Variants in MYO5A observed in about 807,000 individuals in gnomAD.
The protein encoded by MYO5A is unconventional myosin-Va.
A neutral mutation model predicts 249.7 loss-of-function variants in MYO5A; 98 were observed. The observed-to-expected ratio is 0.39, with a 90% CI of 0.33 to 0.46. The LOEUF (loss-of-function observed/expected upper bound fraction) is 0.46, where lower values mean the gene tolerates loss of function less well. Ranked by LOEUF, MYO5A falls within the 20% of genes least tolerant of loss-of-function variation. The pLI is 0.98. For missense variants in MYO5A, 1,696 were observed against 2,308.8 expected, an observed-to-expected ratio of 0.73 and a Z score of 5.44; for synonymous variants, 778 against 810.6, an observed-to-expected ratio of 0.96 and a Z score of 0.68.
chr15:52,317,206 G>C lies in MYO5A; in HGVS notation c.5251C>G (p.Leu1751Val). 3 of 1,613,824 alleles carry C rather than the reference G, an allele frequency of 1.9e-6. No homozygotes were observed. The highest frequency in any genetic ancestry group is 2.5e-6 in the Non-Finnish European group (3 of 1,179,998). The change falls in exon 40 of 42, where the codon CTG becomes GTG. Residue 1751 changes from leucine to valine, a missense_variant. Physicochemically the swap from Leu to Val is conservative, Grantham distance 32. Transcript: ENST00000399233. ...GMQIRYNVSQ[L>V]EEWLRDKNLM... ...TTCTTGTCACGCAGCCATTCTTCCA[G>C]TTGACTGACATTGTACCTATGAAAA...
At chr15:52,486,495 G>A (rs1214907144) in intron 1 of MYO5A, among the ~76,000 whole-genome samples, 1 of 152,160 alleles carries the variant, frequency 6.6e-6, no homozygotes, top group Non-Finnish European at 1.5e-5. Context: ...CAGAGAGGCT[G>A]TGTTTTTAAA....
In MYO5A at chr15:52,330,474, T is replaced by G; in HGVS notation, c.4434A>C (p.Pro1478=). 6.2e-7 allele frequency: 1 copy of G among 1,614,092 alleles called. No homozygotes were observed. The highest frequency in any genetic ancestry group is 8.5e-7 in the Non-Finnish European group (1 of 1,179,990). Residue 1478 remains proline, a synonymous_variant, in exon 35 of 42, where the codon CCA becomes CCC. Coordinates refer to ENST00000399233, the MANE Select transcript of MYO5A (RefSeq NM_001382347.1). ...GGATGGGTTCATCAATGATCTGTCC[T>G]GGGGATATGTTCTCCATCTGGCCCA... ...LEVGQMENIS[P]GQIIDEPIRP...
chr15:52,455,479 T>C (rs1391767457), intron 1 of MYO5A, among the ~76,000 whole-genome samples: 3 of 151,954 alleles, frequency 2.0e-5, no homozygotes, highest in Admixed American at 2.0e-4. Flanking sequence ...CTTTACCTGA[T>C]ACCAAAATCA....
chr15:52,438,875 T>A (rs1255540059), intron 1 of MYO5A, among the ~76,000 whole-genome samples: 1 of 152,214 alleles, frequency 6.6e-6, no homozygotes. Context: ...CCACTGCTGT[T>A]TGCCACTGTT....
At chr15:52,511,273 AT>A (rs1203701916) in intron 1 of MYO5A, among the ~76,000 whole-genome samples, 1 of 152,262 alleles carries the variant, frequency 6.6e-6, no homozygotes, top group Non-Finnish European at 1.5e-5. Context: ...TATGAGAAAC[AT>A]TTAATTACGG....
intron 24 of MYO5A, among the ~76,000 whole-genome samples, chr15:52,362,988 C>T (rs1269418114): frequency 6.6e-6 from 1 of 152,208 alleles, no homozygotes; most frequent in East Asian, 1.9e-4. Flanking sequence ...ATTTGTTTAT[C>T]TCTGTTTAAC....
intron 1 of MYO5A, among the ~76,000 whole-genome samples, chr15:52,474,595 T>G (rs1436345180): frequency 3.3e-5 from 5 of 152,170 alleles, no homozygotes; most frequent in Non-Finnish European, 5.9e-5. Flanking sequence ...GTTTTTAGCA[T>G]GAAGGGCTGT....
rs7182150 is a variant in MYO5A, at chr15:52,346,232, T to A, written c.3959+129A>T. ...CTAGAAATACACTGGAAACCTTGGA[T>A]TCCCTTTGAAGGCCAGTTAATGTCT... On this transcript the variant is annotated intron_variant, in intron 30 of 41. Coordinates refer to ENST00000399233, the MANE Select transcript of MYO5A (RefSeq NM_001382347.1). 0.53 allele frequency: 354,873 copies of A among 665,178 alleles called. 104,989 individuals are homozygous for A. The highest frequency in any genetic ancestry group is 0.62 in the Non-Finnish European group (232,311 of 372,602). The allele number at this position is 665,178 out of a possible 1,614,324, so 41.2% of individuals were successfully genotyped here. A position where few individuals can be genotyped will look rare whatever the true frequency, so the allele number is the denominator to read the frequency against.
rs1477212975 is a variant in MYO5A at position 52,327,994 on chromosome 15, C to T, written c.4568G>A (p.Arg1523His). Residue 1523 changes from arginine to histidine, a missense_variant, in exon 36 of 42, where the codon CGT (arginine) becomes CAT (histidine). Coordinates refer to ENST00000399233, the MANE Select transcript of MYO5A (RefSeq NM_001382347.1). Reference sequence around the variant, plus strand: ...TGGAATCAAATTGACTGCTACACCACGTGGCTTCAGTTCTAAAAAAGAAAA... The same window carrying T: ...TGGAATCAAATTGACTGCTACACCATGTGGCTTCAGTTCTAAAAAAGAAAA... ...VKNLILELKP[R>H]GVAVNLIPGL... 6.2e-6 allele frequency: 10 copies of T among 1,613,004 alleles called. No homozygotes were observed. The highest frequency in any genetic ancestry group is 3.3e-5 in the Admixed American group (2 of 59,988).
chr15:52,360,071 T>C lies in MYO5A; in HGVS notation c.3320A>G (p.Lys1107Arg). The change falls in exon 25 of 42, where the codon AAG (lysine) becomes AGG (arginine). Residue 1107 changes from lysine to arginine, a missense_variant. Lys to Arg is a conservative substitution (Grantham distance 26). This residue lies in a region of MYO5A where 412 missense variants were observed against 453.3 expected (regional missense o/e 0.91). Coordinates refer to ENST00000399233, the MANE Select transcript of MYO5A (RefSeq NM_001382347.1). ...GGAGTCTGTTCTCTTGTGTCCAGGC[T>C]TAGGCACATGCTGCAAGGCAAATAA... ...EEMTLMVHVP[K>R]PGHKRTDSTH... The C allele has an allele frequency of 6.2e-6, 10 of 1,611,442 alleles. No homozygotes were observed. The highest frequency in any genetic ancestry group is 8.5e-6 in the Non-Finnish European group (10 of 1,177,798).
intron 1 of MYO5A, among the ~76,000 whole-genome samples, chr15:52,467,182 A>C (rs2076370614): frequency 6.6e-6 from 1 of 152,350 alleles, no homozygotes; most frequent in African/African-American, 2.4e-5. Context: ...GATCCTAAGC[A>C]GAACAAAAAT....
At chr15:52,489,454 C>T (rs1477337767) in intron 1 of MYO5A, among the ~76,000 whole-genome samples, 1 of 151,914 alleles carries the variant, frequency 6.6e-6, no homozygotes, top group Non-Finnish European at 1.5e-5. Context: ...GTCCCAGCTA[C>T]TCGGGAGGCG....
chr15:52,369,989 C>T (rs896753952), intron 22 of MYO5A, among the ~76,000 whole-genome samples, 180 bp downstream of exon 22: 1 of 150,904 alleles, frequency 6.6e-6, no homozygotes, highest in Non-Finnish European at 1.5e-5. Flanking sequence ...AAAAGACCTA[C>T]AGCCTACTCA....
chr15:52,499,644 T>C (rs2077113339), intron 1 of MYO5A, among the ~76,000 whole-genome samples: 1 of 152,246 alleles, frequency 6.6e-6, no homozygotes, highest in African/African-American at 2.4e-5. Flanking sequence ...GTTATTCATG[T>C]TGAGGCATCT....
chr15:52,453,191 C>G (rs2076054181), intron 1 of MYO5A, among the ~76,000 whole-genome samples: 1 of 151,878 alleles, frequency 6.6e-6, no homozygotes, highest in Admixed American at 6.6e-5. Context: ...GGAAAAGAAG[C>G]AAATAACATA....
chr15:52,470,085 T>C (rs755076347), intron 1 of MYO5A, among the ~76,000 whole-genome samples: 1 of 152,204 alleles, frequency 6.6e-6, no homozygotes, highest in Non-Finnish European at 1.5e-5. Context: ...TTTCACAGCG[T>C]TTTCTATAAC....
intron 2 of MYO5A, 82 bp from the exon 3 acceptor site, chr15:52,428,651 T>C: frequency 7.0e-7 from 1 of 1,419,234 alleles, no homozygotes; most frequent in South Asian, 1.2e-5. Context: ...TTACTTCCTA[T>C]TCCTGATTTG....
chr15:52,365,006 A>G (rs924301201), intron 23 of MYO5A, among the ~76,000 whole-genome samples: 2 of 152,220 alleles, frequency 1.3e-5, no homozygotes, highest in Admixed American at 6.5e-5. Flanking sequence ...TCTAGTAACT[A>G]AAGTGTACAT....
At chr15:52,389,127 G>C in intron 13 of MYO5A, 111 bp downstream of exon 13, 1 of 1,119,892 alleles carries the variant, frequency 8.9e-7, no homozygotes, top group Non-Finnish European at 1.3e-6. Context: ...TGTCCCTTGA[G>C]CCCTAAAGAA....
Sources: allele counts gnomAD v4.1 joint callset (sites outside exome capture counted in the v4.1 genomes callset), GRCh38; gene constraint gnomAD v4.1.1; regional missense constraint gnomAD v4.1.1; transcripts MANE v1.5; gene names NCBI Gene and HGNC (gene_info 2026-07-23, HGNC 2026-07-21).